TRPM5: variants seen among roughly 807,000 people sequenced by gnomAD.
TRPM5 encodes the protein MLSN1 and TRP-related.
Under a neutral mutation model 124.9 loss-of-function variants are expected in TRPM5, and 121 were observed. The ratio of observed to expected loss-of-function variants is 0.97; its 90% confidence interval spans 0.84 to 1.13. TRPM5 has a LOEUF of 1.13. Ranked by LOEUF, TRPM5 falls within the 50% of genes most tolerant of loss-of-function variation. The pLI, the probability that TRPM5 is intolerant of heterozygous loss-of-function variation, is 0.00. For missense variants in TRPM5, 1,643 were observed against 1,589.1 expected (o/e 1.03, Z -0.58); for synonymous variants, 781 against 700.5 (o/e 1.11, Z -1.81).
chr11:2,414,008 C>A (rs1181680662), intron 12 of TRPM5, 53 bp downstream of exon 17: 9 of 1,038,780 alleles, frequency 8.7e-6, no homozygotes, highest in Non-Finnish European at 1.3e-5. Context: ...GGGCCCAGCT[C>A]GCCCGCCCAC....
At chr11:2,422,272 A>T (rs775877116) in exon 2 of TRPM5, 12 of 1,612,264 alleles carry the variant, frequency 7.4e-6, no homozygotes, top group Non-Finnish European at 1.7e-6. Context: ...CTCAGCAAGC[A>T]GCAGGTCAAA....
Position 2,413,032 on chromosome 11 carries a change from G to A in TRPM5, c.2097-20C>T, listed in dbSNP as rs773688302. ...TCCACCCTGTGCCGCAGAGAAGTTC[G>A]CAGTGGTGAGGCTGGCGCCCAGCCG... On this transcript the variant is annotated intron_variant, in intron 14 of 23. Transcript: ENST00000155858. The A allele has an allele frequency of 3.0e-5, 48 of 1,590,966 alleles. No homozygotes were observed. The highest frequency in any genetic ancestry group is 3.7e-5 in the Non-Finnish European group (43 of 1,169,692).
chr11:2,407,449 G>A, intron 19 of TRPM5, 149 bp from the exon 25 acceptor site: 1 of 795,818 alleles, frequency 1.3e-6, no homozygotes, highest in Non-Finnish European at 2.0e-6. Flanking sequence ...GTGTCACGAG[G>A]GGTCCACTCT....
At chr11:2,418,614 G>A in intron 4 of TRPM5, 23 bp from the exon 10 acceptor site, 3 of 1,604,830 alleles carry the variant, frequency 1.9e-6, no homozygotes, top group Non-Finnish European at 2.6e-6. Context: ...CACCCGTGAG[G>A]CCTGAGGACC....
the TRPM5 span, among the ~76,000 whole-genome samples, chr11:2,433,668 C>T: frequency 6.6e-6 from 1 of 152,392 alleles, no homozygotes; most frequent in Non-Finnish European, 1.5e-5. Context: ...GTGCCTGGAA[C>T]GTCCTGAGGA....
At chr11:2,414,985 G>T in exon 10 of TRPM5, 2 of 1,606,780 alleles carry the variant, frequency 1.2e-6, no homozygotes, top group East Asian at 2.2e-5. Flanking sequence ...AGGGGTTCTC[G>T]CTCTTCTGGT....
At chr11:2,427,391 C>G (rs1249038597), upstream of TRPM5, among the ~76,000 whole-genome samples, 6 of 152,248 alleles carry the variant, frequency 3.9e-5, no homozygotes, top group African/African-American at 1.4e-4. Flanking sequence ...GTCTGCCTAC[C>G]TTGCAGGGTG....
chr11:2,414,571 C>T (rs1242792792), intron 11 of TRPM5, 144 bp downstream of exon 16: 4 of 1,218,624 alleles, frequency 3.3e-6, no homozygotes, highest in East Asian at 5.2e-5. Context: ...GCCGTCTGTC[C>T]TCTCCTATGG....
Position 2,418,152 on chromosome 11 carries a change from G to T in TRPM5, c.906+15C>A. 1 of 1,537,236 alleles carries T rather than the reference G, an allele frequency of 6.5e-7. No homozygotes were observed. The highest frequency in any genetic ancestry group is 8.8e-7 in the Non-Finnish European group (1 of 1,132,590). On this transcript the variant is annotated intron_variant, in intron 6 of 23. Transcript: ENST00000155858. ...GAGGAGGGGTCGGGAGGACAGGGGA[G>T]GGGGCAGCACATACCAGCTTGGTCC...
rs777252482 is a variant in TRPM5, at chr11:2,412,849, G to A, written c.2260C>T (p.Leu754=). 2.5e-6 allele frequency: 4 copies of A among 1,601,834 alleles called. No homozygotes were observed. In the South Asian group the frequency reaches 4.5e-5, roughly 18 times the overall value. Reference sequence around the variant, plus strand: ...TGGGGGGGCGGCCTGAAGTCCACCAGCAGGACGTAGGTGAACAGGAAGAGG... The same window carrying A: ...TGGGGGGGCGGCCTGAAGTCCACCAACAGGACGTAGGTGAACAGGAAGAGG... The change falls in exon 15 of 24, where the codon CTG becomes TTG. Residue 754 remains leucine, a synonymous_variant. Coordinates refer to ENST00000155858, the Ensembl canonical transcript of TRPM5.
At chr11:2,429,323 GTGA>G in the TRPM5 span, among the ~76,000 whole-genome samples, 1 of 151,490 alleles carries the variant, frequency 6.6e-6, no homozygotes, top group Admixed American at 6.6e-5. The surrounding 1 kb of genome is among the most constrained non-coding windows in gnomAD (Gnocchi z 8.4). Context: ...GATGGTGGTG[GTGA>G]TGATGAGGGT....
At chr11:2,422,823 A>C (rs1283296788) in intron 1 of TRPM5, 97 bp downstream of exon 6, 2 of 1,049,992 alleles carry the variant, frequency 1.9e-6, no homozygotes, top group Non-Finnish European at 3.0e-6. Context: ...CCCAGGGGTG[A>C]GGAGGACCCT....
At chr11:2,414,009 G>GGGCCCCCCCCCCCCCCCCCCCC in intron 12 of TRPM5, 52 bp downstream of exon 17, 21 of 1,023,702 alleles carry the variant, frequency 2.1e-5, no homozygotes, top group Non-Finnish European at 2.4e-5. Flanking sequence ...GGCCCAGCTC[G>GGGCCCCCCCCCCCCCCCCCCCC]CCCGCCCACC....
At chr11:2,405,906 G>C (rs894676269) in intron 22 of TRPM5, 113 bp downstream of exon 27, 5 of 1,012,090 alleles carry the variant, frequency 4.9e-6, no homozygotes, top group African/African-American at 1.6e-5. Context: ...TCCTGTCCTG[G>C]CTCTGGCCTG....
At chr11:2,432,383 G>GC in the TRPM5 span, among the ~76,000 whole-genome samples, 1 of 152,224 alleles carries the variant, frequency 6.6e-6, no homozygotes, top group African/African-American at 2.4e-5. Context: ...CCCAGCCCCT[G>GC]CCCCCACGGG....
chr11:2,411,818 C>A (rs779151602), intron 16 of TRPM5, 51 bp from the exon 22 acceptor site: 3 of 1,604,228 alleles, frequency 1.9e-6, no homozygotes, highest in Non-Finnish European at 2.6e-6. Flanking sequence ...GGGGCAGAGG[C>A]TTCCCCAGGG....
At chr11:2,407,557 C>T (rs1394069354) in intron 19 of TRPM5, among the ~76,000 whole-genome samples, 1 of 152,232 alleles carries the variant, frequency 6.6e-6, no homozygotes, top group Non-Finnish European at 1.5e-5. Flanking sequence ...CTTCCTGGGA[C>T]TGGGAGGGTG....
chr11:2,438,329 T>C, the TRPM5 span, among the ~76,000 whole-genome samples: 1 of 152,108 alleles, frequency 6.6e-6, no homozygotes, highest in African/African-American at 2.4e-5. This position sits in a 1 kb window ranked among gnomAD's most constrained non-coding sequence, Gnocchi z 5.9. Context: ...TAGGAATACA[T>C]CTAACCCAGG....
chr11:2,438,318 C>T, the TRPM5 span, among the ~76,000 whole-genome samples: 3 of 152,094 alleles, frequency 2.0e-5, no homozygotes, highest in Non-Finnish European at 4.4e-5. The surrounding 1 kb of genome is among the most constrained non-coding windows in gnomAD (Gnocchi z 5.9). Context: ...AAAAAATTAC[C>T]TAGGAATACA....
Sources: gnomAD v4.1 joint callset for allele counts (sites outside exome capture counted in the v4.1 genomes callset) on GRCh38, gnomAD v4.1.1 for gene constraint, Gnocchi (gnomAD v3.1) non-coding constraint, MANE v1.5 for transcripts, NCBI Gene and HGNC (gene_info 2026-07-23, HGNC 2026-07-21) for gene names.